The following BICD1 variants were observed in gnomAD, a reference collection of about 807,000 sequenced individuals.
The protein encoded by BICD1 is BICD cargo adaptor 1, also known as protein bicaudal D homolog 1.
A neutral mutation model predicts 92.5 loss-of-function variants in BICD1; 35 were observed. The ratio of observed to expected loss-of-function variants is 0.38; its 90% CI spans 0.29 to 0.50. The LOEUF (loss-of-function observed/expected upper bound fraction) is 0.50, where lower values mean the gene tolerates loss of function less well. Ranked by LOEUF, BICD1 falls within the 20% of genes least tolerant of loss-of-function variation. BICD1 has a pLI of 0.93. For synonymous variants in BICD1, 429 were observed against 465.1 expected, an observed-to-expected ratio of 0.92 and a Z score of 1.00; for missense variants, 950 against 1,189.8, an observed-to-expected ratio of 0.80 and a Z score of 2.97.
Position 32,238,898 on chromosome 12 carries a change from C to T in BICD1, c.426+22439C>T, listed in dbSNP as rs529033345. On this transcript the variant is annotated intron_variant, in intron 2 of 9. Coordinates refer to ENST00000652176, the MANE Select transcript of BICD1 (RefSeq NM_001714.4). Reference sequence around the variant, plus strand: ...GGTGGAGGTTGCAGTGAGCCGAGATCGCGCCATTGCACTCCAGCTTGGGCA... The same window carrying T: ...GGTGGAGGTTGCAGTGAGCCGAGATTGCGCCATTGCACTCCAGCTTGGGCA... Among the ~76,000 whole-genome samples, 192 of 132,626 alleles carry T rather than the reference C, an allele frequency of 1.4e-3. No individual in the cohort carries two copies. The Middle Eastern group carries it at 0.015, about 10-fold the overall frequency. The allele number at this position is 132,626 out of a possible 152,430, so 87.0% of individuals were successfully genotyped here.
intron 1 of BICD1, among the ~76,000 whole-genome samples, chr12:32,181,056 GAAA>G (rs1407602934): frequency 6.6e-6 from 1 of 151,734 alleles, no homozygotes; most frequent in Non-Finnish European, 1.5e-5. Flanking sequence ...AGTAGAACCA[GAAA>G]TTAACTTAAG....
At chr12:32,175,258 C>A (rs1387536081) in intron 1 of BICD1, among the ~76,000 whole-genome samples, 1 of 148,860 alleles carries the variant, frequency 6.7e-6, no homozygotes, top group African/African-American at 2.5e-5. Context: ...GGAGATTCAA[C>A]AATCTACACT....
intron 1 of BICD1, among the ~76,000 whole-genome samples, chr12:32,179,072 A>C (rs1944200297): frequency 6.6e-6 from 1 of 152,018 alleles, no homozygotes. Flanking sequence ...TGGAGTATTA[A>C]CTGAAAAGAG....
intron 3 of BICD1, among the ~76,000 whole-genome samples, chr12:32,300,293 C>T (rs1288231516): frequency 1.3e-5 from 2 of 151,526 alleles, no homozygotes; most frequent in African/African-American, 2.4e-5. Context: ...TTAGTAGAGA[C>T]GGTGTTTCAC....
intron 1 of BICD1, among the ~76,000 whole-genome samples, chr12:32,198,036 T>C (rs1228049850): frequency 6.6e-6 from 1 of 151,708 alleles, no homozygotes; most frequent in East Asian, 1.9e-4. Flanking sequence ...AGAAACCTCG[T>C]CTCTACTAAA....
chr12:32,201,899 A>G, intron 1 of BICD1, among the ~76,000 whole-genome samples: 1 of 152,218 alleles, frequency 6.6e-6, no homozygotes, highest in East Asian at 1.9e-4. Context: ...CTAAGCAAGC[A>G]ATCTCCTCTT....
At chr12:32,308,105 TA>T (rs1392901115) in intron 4 of BICD1, among the ~76,000 whole-genome samples, 3 of 152,192 alleles carry the variant, frequency 2.0e-5, no homozygotes, top group Non-Finnish European at 4.4e-5. Flanking sequence ...TACAAAAGTC[TA>T]AAAAAGATGA....
chr12:32,313,423 T>A lies in BICD1; in HGVS notation c.1005+7301T>A, dbSNP rs1233511455. Reference sequence around the variant, plus strand: ...GTAGAGAGTATTATTATCTTCATATTATAGATAGGGAAACTGAGGCATGAC... The same window carrying A: ...GTAGAGAGTATTATTATCTTCATATAATAGATAGGGAAACTGAGGCATGAC... On this transcript the variant is annotated intron_variant, in intron 4 of 9. Transcript: ENST00000652176. The surrounding 1 kb of genome is among the most constrained non-coding windows in gnomAD (Gnocchi z 4.2). Among the ~76,000 whole-genome samples the A allele has an allele frequency of 6.6e-6, 1 of 152,182 alleles. No homozygotes were observed. Among genetic ancestry groups the A allele is most frequent in the East Asian group, 1.9e-4 (1 of 5,202 alleles).
chr12:32,254,832 CTTGT>C (rs1199316552), intron 2 of BICD1, among the ~76,000 whole-genome samples: 3 of 152,152 alleles, frequency 2.0e-5, no homozygotes, highest in Non-Finnish European at 4.4e-5. Flanking sequence ...TACTATTCTC[CTTGT>C]TTAATTAGTC....
At chr12:32,275,407 G>A (rs1467537828) in intron 2 of BICD1, among the ~76,000 whole-genome samples, 7 of 152,080 alleles carry the variant, frequency 4.6e-5, no homozygotes, top group African/African-American at 7.2e-5. Context: ...TTTAGTCACC[G>A]TCTATATTTT....
chr12:32,273,248 C>G (rs926119931), intron 2 of BICD1, among the ~76,000 whole-genome samples: 14 of 152,232 alleles, frequency 9.2e-5, no homozygotes, highest in Non-Finnish European at 1.9e-4. Context: ...ACTCTACTCT[C>G]ATAGCCTCGA....
intron 1 of BICD1, among the ~76,000 whole-genome samples, chr12:32,190,172 A>G (rs942282306): frequency 3.3e-5 from 5 of 152,250 alleles, no homozygotes; most frequent in Admixed American, 6.5e-5. Flanking sequence ...GTCACAAAGC[A>G]AGACTGTAAG....
chr12:32,144,983 A>G (rs2121395693), intron 1 of BICD1, among the ~76,000 whole-genome samples: 1 of 152,298 alleles, frequency 6.6e-6, no homozygotes, highest in Admixed American at 6.5e-5. Flanking sequence ...TCTAGGAAGG[A>G]GTTGGTTCTT....
At chr12:32,283,841 G>A (rs937220125) in intron 2 of BICD1, among the ~76,000 whole-genome samples, 2 of 152,220 alleles carry the variant, frequency 1.3e-5, no homozygotes, top group East Asian at 3.9e-4. Context: ...ACATCCAGGG[G>A]TCCCAGCCTT....
chr12:32,211,955 A>G (rs1186661119), intron 1 of BICD1, among the ~76,000 whole-genome samples: 1 of 152,198 alleles, frequency 6.6e-6, no homozygotes, highest in Non-Finnish European at 1.5e-5. Flanking sequence ...AGTCAACATC[A>G]TCTGCAAAGA....
At chr12:32,362,285 G>T (rs550856191) in intron 8 of BICD1, among the ~76,000 whole-genome samples, 111 of 152,312 alleles carry the variant, frequency 7.3e-4, no homozygotes, top group African/African-American at 2.6e-3. Context: ...GCTTGAACCC[G>T]CGAGGCGGAG....
At chr12:32,353,125 T>G (rs571178499) in intron 8 of BICD1, 1 of 152,360 alleles carries the variant, frequency 6.6e-6, no homozygotes, top group Non-Finnish European at 1.5e-5. Flanking sequence ...AACCTGTAGG[T>G]GAACCTAATT....
intron 1 of BICD1, among the ~76,000 whole-genome samples, chr12:32,121,516 C>G (rs1942148792): frequency 6.6e-6 from 1 of 151,570 alleles, no homozygotes; most frequent in Non-Finnish European, 1.5e-5. Context: ...ACTCTTGAAC[C>G]TGGGAGGCGG....
At chr12:32,366,184 T>C (rs1286095999) in intron 8 of BICD1, among the ~76,000 whole-genome samples, 1 of 152,260 alleles carries the variant, frequency 6.6e-6, no homozygotes, top group Non-Finnish European at 1.5e-5. Context: ...TCTGGAGTTA[T>C]GTAACTATAT....
Sources: gnomAD v4.1 joint callset for allele counts (sites outside exome capture counted in the v4.1 genomes callset) on GRCh38, gnomAD v4.1.1 for gene constraint, Gnocchi (gnomAD v3.1) non-coding constraint, MANE v1.5 for transcripts, NCBI Gene and HGNC (gene_info 2026-07-23, HGNC 2026-07-21) for gene names.